The following FAM47E variants were observed in gnomAD, a reference collection of about 807,000 sequenced individuals.
FAM47E encodes the protein family with sequence similarity 47 member E, also known as protein FAM47E.
FAM47E carries 32 observed loss-of-function variants against 41.6 expected under a neutral mutation model. The observed-to-expected ratio is 0.77, with a 90% CI of 0.58 to 1.03. The LOEUF (loss-of-function observed/expected upper bound fraction) is 1.03, where lower values mean the gene tolerates loss of function less well. Among genes scored for constraint, FAM47E ranks in the 50% least tolerant of loss-of-function variants. FAM47E has a pLI of 0.00. For synonymous variants in FAM47E, 184 were observed against 188.7 expected (o/e 0.98, Z 0.20); for missense variants, 424 against 485.4 (o/e 0.87, Z 1.19).
intron 2 of FAM47E, among the ~76,000 whole-genome samples, chr4:76,233,484 C>A (rs894057237): frequency 6.6e-6 from 1 of 152,110 alleles, no homozygotes; most frequent in Non-Finnish European, 1.5e-5. Context: ...TGAAAGGCAT[C>A]ACAGCTTTTA....
chr4:76,263,615 A>C (rs1489059672), intron 2 of FAM47E, 89 bp from the exon 3 acceptor site: 1 of 1,470,630 alleles, frequency 6.8e-7, no homozygotes, highest in East Asian at 2.5e-5. Flanking sequence ...AGGAAAAGTG[A>C]AGGGCAAGTT....
At chr4:76,270,746 A>AG (rs1336177344) in intron 4 of FAM47E, among the ~76,000 whole-genome samples, 4 of 152,152 alleles carry the variant, frequency 2.6e-5, no homozygotes, top group Non-Finnish European at 1.5e-5. Context: ...GTCATCCCAC[A>AG]AGCTGGGTCC....
At chr4:76,219,834 C>G (rs1733278393) in intron 2 of FAM47E, among the ~76,000 whole-genome samples, 1 of 152,124 alleles carries the variant, frequency 6.6e-6, no homozygotes, top group Non-Finnish European at 1.5e-5. Flanking sequence ...CCACTGCACT[C>G]ACCACATATC....
intron 2 of FAM47E, among the ~76,000 whole-genome samples, chr4:76,236,885 T>C (rs1447755738): frequency 2.6e-5 from 4 of 150,960 alleles, no homozygotes; most frequent in African/African-American, 4.9e-5. Flanking sequence ...GTAAAATATG[T>C]TTCTTTTCTT....
intron 2 of FAM47E, among the ~76,000 whole-genome samples, chr4:76,242,955 A>G (rs1279282697): frequency 1.3e-5 from 2 of 152,194 alleles, no homozygotes; most frequent in Non-Finnish European, 2.9e-5. Context: ...ATTGCATCCC[A>G]TAACAATCTT....
chr4:76,224,076 A>T (rs947785128), intron 2 of FAM47E, among the ~76,000 whole-genome samples: 1 of 152,182 alleles, frequency 6.6e-6, no homozygotes, highest in Non-Finnish European at 1.5e-5. Flanking sequence ...TAGGTATTAA[A>T]CCAGAATGTG....
At chr4:76,251,842 C>T (rs1733976184) in intron 1 of FAM47E, 22 bp downstream of exon 1, 2 of 1,406,182 alleles carry the variant, frequency 1.4e-6, no homozygotes, top group African/African-American at 1.5e-5. Flanking sequence ...GCGCCCGGGC[C>T]GAGGGCGCAT....
intron 2 of FAM47E, 60 bp from the exon 3 acceptor site, chr4:76,263,644 A>AT: frequency 6.5e-7 from 1 of 1,528,072 alleles, no homozygotes. Context: ...TTGTTGTAGA[A>AT]TGGGGACTCC....
At chr4:76,235,742 T>C (rs1384502759) in intron 2 of FAM47E, among the ~76,000 whole-genome samples, 1 of 152,224 alleles carries the variant, frequency 6.6e-6, no homozygotes, top group Non-Finnish European at 1.5e-5. Flanking sequence ...CATTGACTAG[T>C]TCTAGATCGA....
chr4:76,232,790 T>C (rs1733515740), intron 2 of FAM47E, among the ~76,000 whole-genome samples: 2 of 152,194 alleles, frequency 1.3e-5, no homozygotes. Context: ...AAACTTAAGT[T>C]TGATTTTTGG....
intron 6 of FAM47E, 41 bp from the exon 7 acceptor site, chr4:76,280,223 T>C: frequency 8.1e-7 from 1 of 1,231,984 alleles, no homozygotes; most frequent in South Asian, 1.3e-5. Flanking sequence ...ATCAAGCTTC[T>C]GATGGCTGAC....
chr4:76,262,493 A>G (rs74889910), intron 2 of FAM47E, among the ~76,000 whole-genome samples: 13,487 of 152,096 alleles, frequency 0.089, 1,071 homozygotes, highest in East Asian at 0.43. Flanking sequence ...TCTTTGCATC[A>G]TTTCTAATGC....
At chr4:76,231,129 A>G (rs2109985787) in intron 2 of FAM47E, among the ~76,000 whole-genome samples, 1 of 152,292 alleles carries the variant, frequency 6.6e-6, no homozygotes, top group South Asian at 2.1e-4. Context: ...AATAAGGGAG[A>G]GGAAAGGATG....
chr4:76,273,417 TCA>T (rs1267297085), intron 5 of FAM47E, among the ~76,000 whole-genome samples: 2 of 152,242 alleles, frequency 1.3e-5, no homozygotes, highest in Non-Finnish European at 2.9e-5. Context: ...CAAAGTTAAT[TCA>T]CAGTTTTAAA....
intron 2 of FAM47E, 48 bp from the exon 3 acceptor site, chr4:76,263,656 T>C: frequency 6.5e-7 from 1 of 1,537,914 alleles, no homozygotes; most frequent in Admixed American, 2.1e-5. Context: ...GGGGACTCCC[T>C]TCTTCAGCAT....
Position 76,271,463 on chromosome 4 carries a change from C to T in FAM47E, c.670-105C>T, listed in dbSNP as rs1734883129. 3.7e-6 allele frequency: 5 copies of T among 1,339,220 alleles called. No individual in the cohort carries two copies. In the East Asian group the frequency reaches 1.3e-4, roughly 34 times the overall value. The allele number at this position is 1,339,220 out of a possible 1,614,324, so 83.0% of individuals were successfully genotyped here. The stretch of plus-strand genomic sequence containing the variant: ...AATGCTGACTGAGCATTTTCTACCT[C>T]TCCCCAAACTACCTCTTTCCTCAGC... On this transcript the variant is annotated intron_variant, in intron 4 of 7. Transcript: ENST00000424749.
At chr4:76,283,151 T>C in intron 7 of FAM47E, 2 of 358,000 alleles carry the variant, frequency 5.6e-6, no homozygotes. Context: ...TGGGCCAGAC[T>C]TGGGCACAGA....
intron 2 of FAM47E, among the ~76,000 whole-genome samples, chr4:76,220,054 G>GT (rs1388645225): frequency 6.6e-6 from 1 of 152,196 alleles, no homozygotes; most frequent in Non-Finnish European, 1.5e-5. Flanking sequence ...AAGCAGAACT[G>GT]TTTCCTCCAT....
At chr4:76,225,701 G>A (rs535950982) in intron 2 of FAM47E, among the ~76,000 whole-genome samples, 4 of 152,272 alleles carry the variant, frequency 2.6e-5, no homozygotes, top group African/African-American at 9.6e-5. Flanking sequence ...ATTGACTTGC[G>A]TAAGTTAAAC....
Sources: allele counts gnomAD v4.1 joint callset (sites outside exome capture counted in the v4.1 genomes callset), GRCh38; gene constraint gnomAD v4.1.1; transcripts MANE v1.5; gene names NCBI Gene and HGNC (gene_info 2026-07-23, HGNC 2026-07-21).